Variants in TENM2 observed in about 807,000 individuals in gnomAD.
TENM2 encodes the protein teneurin transmembrane protein 2.
A neutral mutation model predicts 245.2 loss-of-function variants in TENM2; 52 were observed. The observed-to-expected ratio is 0.21, with a 90% CI of 0.17 to 0.27. TENM2 has a LOEUF of 0.27. TENM2 is among the 10% of genes least tolerant of loss of function. The pLI, the probability that TENM2 is intolerant of heterozygous loss-of-function variation, is 1.00. For synonymous variants in TENM2, 1,363 were observed against 1,438.9 expected, an observed-to-expected ratio of 0.95 and a Z score of 1.19; for missense variants, 3,046 against 3,666.8, an observed-to-expected ratio of 0.83 and a Z score of 4.37.
At position 167,725,448 on chromosome 5, in the gene TENM2, C is replaced by T. The variant is rs369102729; in HGVS notation, c.503-150538C>T. Among the ~76,000 whole-genome samples the T allele has an allele frequency of 5.3e-5, 8 of 152,304 alleles. No homozygotes were observed. The South Asian group carries it at 1.7e-3, about 32-fold the overall frequency. The stretch of plus-strand genomic sequence containing the variant: ...TCAATCTGGCATATTTTTCTCCTAG[C>T]ACTGACTTACTGAATGCCGCTGACC... On this transcript the variant is annotated intron_variant, in intron 2 of 28. Transcript: ENST00000518659.
intron 3 of TENM2, among the ~76,000 whole-genome samples, chr5:167,927,453 G>T (rs1777848936): frequency 6.6e-6 from 1 of 152,182 alleles, no homozygotes; most frequent in Non-Finnish European, 1.5e-5. Flanking sequence ...ATGCAGCGGT[G>T]CTAATGTAGT....
chr5:167,226,557 G>A, the TENM2 span, among the ~76,000 whole-genome samples: 3 of 151,842 alleles, frequency 2.0e-5, no homozygotes, highest in African/African-American at 7.2e-5. Flanking sequence ...CTTGTTTTGT[G>A]GGAGATTTAA....
intron 17 of TENM2, among the ~76,000 whole-genome samples, chr5:168,202,053 A>C (rs941480543): frequency 6.6e-6 from 1 of 152,142 alleles, no homozygotes; most frequent in Admixed American, 6.5e-5. Context: ...GAGGCACCTA[A>C]AGTCAAGTTG....
intron 2 of TENM2, among the ~76,000 whole-genome samples, chr5:167,727,200 C>T (rs1760081377): frequency 6.8e-6 from 1 of 147,030 alleles, no homozygotes; most frequent in South Asian, 2.2e-4. Flanking sequence ...AGCTCCATCT[C>T]CCGGGTTCAT....
At chr5:167,448,520 G>A (rs1262427544) in intron 2 of TENM2, among the ~76,000 whole-genome samples, 1 of 148,192 alleles carries the variant, frequency 6.7e-6, no homozygotes, top group Non-Finnish European at 1.5e-5. Flanking sequence ...TTGCTATCTC[G>A]TATGTTAGGT....
At chr5:167,076,670 C>T in the TENM2 span, among the ~76,000 whole-genome samples, 5 of 152,100 alleles carry the variant, frequency 3.3e-5, no homozygotes, top group African/African-American at 7.2e-5. Flanking sequence ...ATAAGATTAA[C>T]GCATTTTTCT....
chr5:167,901,718 G>A lies in TENM2; in HGVS notation c.712+25523G>A, dbSNP rs894953796. ...TTTTTAAATATTATGCTAGAGCACC[G>A]TATTAATGTTCTTCCATCATGCTGG... On this transcript the variant is annotated intron_variant, in intron 3 of 28. Coordinates refer to ENST00000518659, the Ensembl canonical transcript of TENM2. Among the ~76,000 whole-genome samples, 7 of 152,220 alleles carry A rather than the reference G, an allele frequency of 4.6e-5. No homozygotes were observed. The South Asian group carries it at 8.3e-4, about 18-fold the overall frequency.
chr5:167,791,473 ATTTATTATATATATAATG>A (rs1764963592), intron 2 of TENM2, among the ~76,000 whole-genome samples: 1 of 126,354 alleles, frequency 7.9e-6, no homozygotes, highest in African/African-American at 2.8e-5. Context: ...TATATTTATA[ATTTATTATATATATAATG>A]TATATTTTTA....
At chr5:168,180,937 T>C (rs567243370) in intron 13 of TENM2, among the ~76,000 whole-genome samples, 1 of 151,140 alleles carries the variant, frequency 6.6e-6, no homozygotes, top group Non-Finnish European at 1.5e-5. Context: ...AGGTTCCCAA[T>C]ATTTAGTCTC....
intron 2 of TENM2, among the ~76,000 whole-genome samples, chr5:167,523,019 T>C (rs1221002109): frequency 6.6e-6 from 1 of 152,160 alleles, no homozygotes; most frequent in Non-Finnish European, 1.5e-5. Flanking sequence ...AAGGCTGTTG[T>C]CATTCCTTGG....
At chr5:167,471,159 C>T (rs549349198) in intron 2 of TENM2, among the ~76,000 whole-genome samples, 3 of 152,154 alleles carry the variant, frequency 2.0e-5, no homozygotes, top group Non-Finnish European at 4.4e-5. Context: ...GAAGATGTGG[C>T]TACTTTATGA....
At chr5:167,688,927 T>A (rs1018221684) in intron 2 of TENM2, among the ~76,000 whole-genome samples, 1 of 152,130 alleles carries the variant, frequency 6.6e-6, no homozygotes, top group Non-Finnish European at 1.5e-5. Flanking sequence ...AAGTTTACAC[T>A]AAATGCTGAC....
At chr5:167,190,061 G>C in the TENM2 span, among the ~76,000 whole-genome samples, 13 of 152,040 alleles carry the variant, frequency 8.6e-5, no homozygotes, top group Admixed American at 7.2e-4. Context: ...TGAATTTTCT[G>C]TATTTGCATG....
chr5:167,116,930 G>GA, the TENM2 span, among the ~76,000 whole-genome samples: 1 of 152,154 alleles, frequency 6.6e-6, no homozygotes, highest in Non-Finnish European at 1.5e-5. Flanking sequence ...TGTTTTATTT[G>GA]ATAACTATTG....
the TENM2 span, among the ~76,000 whole-genome samples, chr5:167,019,071 A>G: frequency 2.0e-5 from 3 of 152,128 alleles, no homozygotes; most frequent in Non-Finnish European, 4.4e-5. Context: ...TTTTCTACCT[A>G]TGCTACTCAT....
rs142433172 is a variant in TENM2 at position 167,547,612 on chromosome 5, C to T, written c.502+172139C>T. On this transcript the variant is annotated intron_variant, in intron 2 of 28. Coordinates refer to ENST00000518659, the Ensembl canonical transcript of TENM2. The stretch of plus-strand genomic sequence containing the variant: ...ATCCTATAATAGACAGTGGAGCTAC[C>T]CGGGGACTTTAGAGTTTGCACAGTT... Among the ~76,000 whole-genome samples, 59 of 151,980 alleles carry T rather than the reference C, an allele frequency of 3.9e-4. 1 individual carries two copies. The highest frequency in any genetic ancestry group is 1.7e-3 in the East Asian group (9 of 5,194).
chr5:167,676,029 T>A (rs2150362834), intron 2 of TENM2, among the ~76,000 whole-genome samples: 1 of 152,128 alleles, frequency 6.6e-6, no homozygotes, highest in East Asian at 1.9e-4. Context: ...ACAGACAACA[T>A]GAACTCTCAA....
At chr5:168,185,438 C>T (rs1274786976) in intron 13 of TENM2, among the ~76,000 whole-genome samples, 1 of 152,126 alleles carries the variant, frequency 6.6e-6, no homozygotes, top group East Asian at 1.9e-4. Flanking sequence ...CCCAGCAGCA[C>T]TATCTACCAT....
chr5:167,445,337 A>ATAGG (rs1491215308), intron 2 of TENM2, among the ~76,000 whole-genome samples: 100 of 76,574 alleles, frequency 1.3e-3, no homozygotes, highest in African/African-American at 4.9e-3. Context: ...ATATATATAT[A>ATAGG]GAGAGAGAGA....
Sources: gnomAD v4.1 joint callset for allele counts (sites outside exome capture counted in the v4.1 genomes callset) on GRCh38, gnomAD v4.1.1 for gene constraint, MANE v1.5 for transcripts, NCBI Gene and HGNC (gene_info 2026-07-23, HGNC 2026-07-21) for gene names.